Variants in DNMT3A observed in about 807,000 individuals in gnomAD.
DNMT3A encodes DNA methyltransferase 3 alpha.
DNMT3A carries 267 observed loss-of-function variants against 117.6 expected under a neutral mutation model. The observed-to-expected ratio is 2.27, with a 90% confidence interval of 2.05 to 2.51. DNMT3A has a LOEUF of 2.51. DNMT3A is among the 30% of genes most tolerant of loss of function. The pLI is 0.00. For missense variants in DNMT3A, 1,029 were observed against 1,260.2 expected (o/e 0.82, Z 2.78); for synonymous variants, 432 against 474.8 (o/e 0.91, Z 1.17).
Position 25,244,243 on chromosome 2 carries a change from T to TGCCC in DNMT3A, c.1759_1762dup (p.His588ArgfsTer25). 6.2e-7 allele frequency: 1 copy of TGCCC among 1,613,990 alleles called. No individual in the cohort carries two copies. The highest frequency in any genetic ancestry group is 8.5e-7 in the Non-Finnish European group (1 of 1,180,006). On this transcript the variant is annotated frameshift_variant, in exon 15 of 23. Coordinates refer to ENST00000321117, the MANE Select transcript of DNMT3A (RefSeq NM_022552.5). LOFTEE classifies it high-confidence loss of function. Reference sequence around the variant, plus strand: ...CCGCAGCAGCCCGTAGGTACCCTTGTGCCCGCACATGTAGCAGTTCCAGGG... The same window carrying TGCCC: ...CCGCAGCAGCCCGTAGGTACCCTTGTGCCCGCCCGCACATGTAGCAGTTCCAGGG...
intron 1 of DNMT3A, among the ~76,000 whole-genome samples, chr2:25,340,639 C>T (rs1028151641): frequency 5.9e-5 from 9 of 152,058 alleles, no homozygotes; most frequent in African/African-American, 2.2e-4. Flanking sequence ...GGCCGAAGAC[C>T]CCGCTCCGCA....
At position 25,257,670 on chromosome 2, in the gene DNMT3A, C is replaced by A. The variant is rs1052640223; in HGVS notation, c.640-9418G>T. ...TTCACGAGGGCCTTGCTAATCACCTCGCCAGGAGAACCCCAGATTCACTTT... is the reference window on the plus strand; with the variant it reads ...TTCACGAGGGCCTTGCTAATCACCTAGCCAGGAGAACCCCAGATTCACTTT... On this transcript the variant is annotated intron_variant, in intron 6 of 22. Coordinates refer to ENST00000321117, the MANE Select transcript of DNMT3A (RefSeq NM_022552.5). This position sits in a 1 kb window ranked among gnomAD's most constrained non-coding sequence, Gnocchi z 4.8. Among the ~76,000 whole-genome samples, 2 of 152,166 alleles carry A rather than the reference C, an allele frequency of 1.3e-5. No homozygotes were observed. The highest frequency in any genetic ancestry group is 4.8e-5 in the African/African-American group (2 of 41,414).
At chr2:25,315,538 CGAGAGG>C (rs990287085) in intron 1 of DNMT3A, among the ~76,000 whole-genome samples, 22 of 152,190 alleles carry the variant, frequency 1.4e-4, no homozygotes, top group African/African-American at 5.1e-4. Context: ...GCCCGGGTCC[CGAGAGG>C]GTGGACGGCA....
At chr2:25,300,715 ATATATATATATATATAT>A (rs2033424567) in intron 2 of DNMT3A, among the ~76,000 whole-genome samples, 16 of 4,538 alleles carry the variant, frequency 3.5e-3, no homozygotes, top group African/African-American at 9.0e-3. Context: ...ATAATATAAT[ATATATATATATATATAT>A]ATATATATAT....
At position 25,230,378 on chromosome 2, in the gene DNMT3A, C is replaced by G. The variant is rs1672820508; in HGVS notation, c.*3901G>C. On this transcript the variant is annotated 3_prime_UTR_variant, in exon 23 of 23. Coordinates refer to ENST00000321117, the MANE Select transcript of DNMT3A (RefSeq NM_022552.5). Reference sequence around the variant, plus strand: ...CCCCAGCACGAGCACCTGGCTACCTCCCCCAGGCAAGAGCCACGGATCTCT... The same window carrying G: ...CCCCAGCACGAGCACCTGGCTACCTGCCCCAGGCAAGAGCCACGGATCTCT... The G allele has an allele frequency of 6.6e-6, 1 of 152,278 alleles. No individual in the cohort carries two copies. Among genetic ancestry groups the G allele is most frequent in the African/African-American group, 2.4e-5 (1 of 41,462 alleles). The allele number at this position is 152,278 out of a possible 1,614,324, so 9.4% of individuals were successfully genotyped here.
rs994694610 is a variant in DNMT3A, at chr2:25,237,696, C to A, written c.2409-691G>T. On this transcript the variant is annotated intron_variant, in intron 20 of 22. Coordinates refer to ENST00000321117, the MANE Select transcript of DNMT3A (RefSeq NM_022552.5). This position sits in a 1 kb window ranked among gnomAD's most constrained non-coding sequence, Gnocchi z 5.4. ...AGGAGAATCGCTTGAACCTGGGAGG[C>A]GGAGGCTGCAGTGAGCCAGGATGGC... 2.0e-5 allele frequency among the ~76,000 whole-genome samples: 3 copies of A among 151,020 alleles called. No individual in the cohort carries two copies. Among genetic ancestry groups the A allele is most frequent in the African/African-American group, 4.9e-5 (2 of 40,982 alleles).
chr2:25,292,591 C>A (rs1573441907), intron 3 of DNMT3A, among the ~76,000 whole-genome samples: 1 of 152,236 alleles, frequency 6.6e-6, no homozygotes, highest in Non-Finnish European at 1.5e-5. Context: ...CTCAGCCCGC[C>A]GCACCCGACA....
chr2:25,245,358 G>A (rs1039770420), intron 12 of DNMT3A, 26 bp from the exon 13 acceptor site: 3 of 1,606,802 alleles, frequency 1.9e-6, no homozygotes, highest in Middle Eastern at 1.7e-4. Context: ...AGGGGATGGG[G>A]TGAGTACCAC....
In DNMT3A at chr2:25,247,724, T is replaced by C; in HGVS notation, c.881A>G (p.Glu294Gly). The change falls in exon 8 of 23, where the codon GAG (glutamate) becomes GGG (glycine). Residue 294 changes from glutamate (E) to glycine (G), a missense_variant. Coordinates refer to ENST00000321117, the MANE Select transcript of DNMT3A (RefSeq NM_022552.5). This position sits in a 1 kb window ranked among gnomAD's most constrained non-coding sequence, Gnocchi z 5.6. Reference protein sequence around the residue: ...YEDGRGFGIGELVWGKLRGFS... With the variant: ...YEDGRGFGIGGLVWGKLRGFS... ...GCCCCGCAGTTTCCCCCACACCAGC[T>C]CCCCAATGCCAAAGCCCCGGCCGTC... The C allele has an allele frequency of 6.2e-7, 1 of 1,610,168 alleles. No individual in the cohort carries two copies. Among genetic ancestry groups the C allele is most frequent in the Non-Finnish European group, 8.5e-7 (1 of 1,179,446 alleles).
chr2:25,287,542 C>T (rs2032399422), intron 3 of DNMT3A, among the ~76,000 whole-genome samples: 1 of 152,150 alleles, frequency 6.6e-6, no homozygotes, highest in African/African-American at 2.4e-5. Flanking sequence ...CAGTCCTCTC[C>T]TGTGAGCAGC....
At chr2:25,245,443 G>A in intron 12 of DNMT3A, 111 bp from the exon 13 acceptor site, 1 of 973,502 alleles carries the variant, frequency 1.0e-6, no homozygotes, top group East Asian at 2.4e-5. Flanking sequence ...CAGAGCGGCA[G>A]CCAGAAAAGA....
chr2:25,273,547 T>A (rs144221959), intron 6 of DNMT3A, among the ~76,000 whole-genome samples: 1 of 152,312 alleles, frequency 6.6e-6, no homozygotes, highest in East Asian at 1.9e-4. Context: ...TCTCTTTTCC[T>A]GTGCAGCTAG....
At chr2:25,271,956 A>G (rs1467817176) in intron 6 of DNMT3A, among the ~76,000 whole-genome samples, 1 of 152,172 alleles carries the variant, frequency 6.6e-6, no homozygotes, top group East Asian at 1.9e-4. Context: ...CTGCTTCTGC[A>G]TATGTTAGAA....
At chr2:25,235,351 A>C (rs2149256242) in intron 22 of DNMT3A, among the ~76,000 whole-genome samples, 1 of 152,076 alleles carries the variant, frequency 6.6e-6, no homozygotes, top group Non-Finnish European at 1.5e-5. Flanking sequence ...CACCCAGCTA[A>C]TTTTTGTATT....
At chr2:25,292,280 G>C (rs954840181) in intron 3 of DNMT3A, among the ~76,000 whole-genome samples, 5 of 152,210 alleles carry the variant, frequency 3.3e-5, no homozygotes, top group African/African-American at 9.6e-5. Context: ...AACCCGGGAG[G>C]CAAAGGTTGC....
chr2:25,251,187 A>G (rs1675507033), intron 6 of DNMT3A, among the ~76,000 whole-genome samples: 1 of 127,550 alleles, frequency 7.8e-6, no homozygotes, highest in Non-Finnish European at 1.7e-5. Context: ...AGGGGGCCTG[A>G]CGAAAGGGGA....
At chr2:25,310,664 T>C (rs755873458) in intron 2 of DNMT3A, among the ~76,000 whole-genome samples, 3 of 152,192 alleles carry the variant, frequency 2.0e-5, no homozygotes, top group Non-Finnish European at 2.9e-5. Flanking sequence ...CCGTAAAATA[T>C]TTCCCAAGCA....
chr2:25,239,160 T>A lies in DNMT3A; in HGVS notation c.2378A>T (p.Tyr793Phe), dbSNP rs2149267420. The A allele has an allele frequency of 6.2e-7, 1 of 1,613,950 alleles. No individual in the cohort carries two copies. The highest frequency in any genetic ancestry group is 8.5e-7 in the Non-Finnish European group (1 of 1,179,940). Reference sequence around the variant, plus strand: ...CATACCGGGAAGGTTACCCCAGAAGTAGCGGGCCCTGTGTGCAGCTGACAC... The same window carrying A: ...CATACCGGGAAGGTTACCCCAGAAGAAGCGGGCCCTGTGTGCAGCTGACAC... Reference protein sequence around the residue: ...KEVSAAHRARYFWGNLPGMNR... With the variant: ...KEVSAAHRARFFWGNLPGMNR... Residue 793 changes from tyrosine to phenylalanine, a missense_variant, in exon 20 of 23, where the codon TAC becomes TTC. Transcript: ENST00000321117.
intron 6 of DNMT3A, among the ~76,000 whole-genome samples, chr2:25,268,587 T>A (rs2030577714): frequency 6.6e-6 from 1 of 152,100 alleles, no homozygotes; most frequent in African/African-American, 2.4e-5. Flanking sequence ...TGCCTTCCTT[T>A]GGGAGGAGGA....
Sources: allele counts gnomAD v4.1 joint callset (sites outside exome capture counted in the v4.1 genomes callset), GRCh38; gene constraint gnomAD v4.1.1; non-coding constraint Gnocchi (gnomAD v3.1); transcripts MANE v1.5; gene names NCBI Gene and HGNC (gene_info 2026-07-23, HGNC 2026-07-21).